FBN3: variants seen among roughly 807,000 people sequenced by gnomAD.
FBN3 encodes the protein fibrillin 3.
A neutral mutation model predicts 330.1 loss-of-function variants in FBN3; 234 were observed. The observed-to-expected ratio is 0.71, with a 90% CI of 0.64 to 0.79. The LOEUF (loss-of-function observed/expected upper bound fraction) is 0.79, where lower values mean the gene tolerates loss of function less well. FBN3 is among the 30% of genes least tolerant of loss of function. FBN3 has a pLI of 0.00. For synonymous variants in FBN3, 1,458 were observed against 1,517.3 expected (o/e 0.96, Z 0.91); for missense variants, 3,606 against 3,886.9 (o/e 0.93, Z 1.92).
At chr19:8,094,331 C>T in intron 47 of FBN3, 115 bp downstream of exon 47, 1 of 1,121,874 alleles carries the variant, frequency 8.9e-7, no homozygotes, top group Non-Finnish European at 1.2e-6. Context: ...GTGTTTGACG[C>T]TGCGTTAAGT....
chr19:8,116,044 T>C, intron 29 of FBN3, among the ~76,000 whole-genome samples: 1 of 152,130 alleles, frequency 6.6e-6, no homozygotes, highest in African/African-American at 2.4e-5. Flanking sequence ...AATGCATTTG[T>C]TCACAAGGCC....
intron 56 of FBN3, among the ~76,000 whole-genome samples, chr19:8,084,931 G>C (rs111796814): frequency 1.3e-3 from 205 of 152,074 alleles, no homozygotes; most frequent in African/African-American, 4.7e-3. Flanking sequence ...CTATCACCCA[G>C]GCTGGAGTGC....
intron 5 of FBN3, 79 bp downstream of exon 5, chr19:8,145,764 G>T: frequency 9.4e-7 from 1 of 1,067,354 alleles, no homozygotes; most frequent in South Asian, 1.4e-5. Context: ...CTGGGCAGTG[G>T]GCAGGTGGCA....
At position 8,081,145 on chromosome 19, in the gene FBN3, T is replaced by C. The variant is rs1302016256; in HGVS notation, c.7337-26A>G. On this transcript the variant is annotated intron_variant, in intron 58 of 63. Transcript: ENST00000600128. Reference sequence around the variant, plus strand: ...CTGCAGCACGGATGGTCCAGCAGGCTCAGGGCAGGGCCCAGTGGGGGATTA... The same window carrying C: ...CTGCAGCACGGATGGTCCAGCAGGCCCAGGGCAGGGCCCAGTGGGGGATTA... 4 of 1,596,610 alleles carry C rather than the reference T, an allele frequency of 2.5e-6. No individual in the cohort carries two copies. The Admixed American group carries it at 6.7e-5, about 27-fold the overall frequency.
In FBN3 at chr19:8,096,415, G is replaced by T; in HGVS notation, c.5539+29C>A. Reference sequence around the variant, plus strand: ...GTTTAGACCCCAGGCAGCCTGGCTTGAAAAGGAGGGGGAAGATAAGGGTCT... The same window carrying T: ...GTTTAGACCCCAGGCAGCCTGGCTTTAAAAGGAGGGGGAAGATAAGGGTCT... On this transcript the variant is annotated intron_variant, in intron 44 of 63. Transcript: ENST00000600128. This position sits in a 1 kb window ranked among gnomAD's most constrained non-coding sequence, Gnocchi z 4.6. 1.2e-6 allele frequency: 2 copies of T among 1,602,310 alleles called. No individual in the cohort carries two copies. The highest frequency in any genetic ancestry group is 2.7e-5 in the African/African-American group (2 of 74,810).
Position 8,131,896 on chromosome 19 carries a change from T to C in FBN3, c.1715-67A>G. ...TCCCTTCCTCTCTCCCCTCCCCATC[T>C]CCCAACATTTCCATCTTCCCAGCCA... On this transcript the variant is annotated intron_variant, in intron 14 of 63. Transcript: ENST00000600128. This position sits in a 1 kb window ranked among gnomAD's most constrained non-coding sequence, Gnocchi z 4.5. The C allele has an allele frequency of 7.1e-7, 1 of 1,417,448 alleles. No homozygotes were observed. The highest frequency in any genetic ancestry group is 1.5e-5 in the African/African-American group (1 of 68,912). 87.8% of individuals were successfully genotyped at this position (1,417,448 alleles called of 1,614,324 possible).
chr19:8,146,169 A>G lies in FBN3; in HGVS notation c.307T>C (p.Cys103Arg). The change falls in exon 4 of 64, where the codon TGT becomes CGT. Residue 103 changes from cysteine (C) to arginine (R), a missense_variant. By Grantham distance (180) the Cys-to-Arg change is radical. Transcript: ENST00000600128. ...CTGGGAGCCAGCGTCCCATCCGCAC[A>G]GGTGCACAGGTTGGGCTGGGAGCAG... ...GFCSQPNLCT[C>R]ADGTLAPSCG... 6.2e-7 allele frequency: 1 copy of G among 1,603,488 alleles called. No individual in the cohort carries two copies. The highest frequency in any genetic ancestry group is 8.5e-7 in the Non-Finnish European group (1 of 1,176,294).
In FBN3 at chr19:8,144,972, G is replaced by T. The variant is rs377044658; in HGVS notation, c.446C>A (p.Pro149His). ...KGYTGTVCGQ[P>H]ICDRGCHNGG... ...ATTGTGGCAGCCGCGGTCACAGATG[G>T]CTGTGGAGGAGAGAGGGTGATGGCT... The change falls in exon 6 of 64, where the codon CCC becomes CAC. Residue 149 changes from proline to histidine, a missense_variant and splice_region_variant. By Grantham distance (77) the Pro-to-His change is moderately conservative. Coordinates refer to ENST00000600128, the MANE Select transcript of FBN3 (RefSeq NM_032447.5). 11 of 1,607,996 alleles carry T rather than the reference G, an allele frequency of 6.8e-6. No individual in the cohort carries two copies. The highest frequency in any genetic ancestry group is 9.3e-6 in the Non-Finnish European group (11 of 1,178,292).
Position 8,125,971 on chromosome 19 carries a change from A to T in FBN3, c.2652T>A (p.Arg884=), listed in dbSNP as rs769087119. The T allele has an allele frequency of 3.1e-6, 5 of 1,613,898 alleles. No homozygotes were observed. The South Asian group carries it at 5.5e-5, about 18-fold the overall frequency. ...GGAAAGACCCAGCAGTGTTGACGCA[A>T]CGCCCGTTGGGACAGACTCCCGGGA... ...ESFPGVCPNG[R]CVNTAGSFRC... is the part of the protein sequence containing the mutation. Residue 884 remains arginine, a synonymous_variant, in exon 22 of 64, where the codon CGT becomes CGA. Coordinates refer to ENST00000600128, the MANE Select transcript of FBN3 (RefSeq NM_032447.5).
rs867900857 is a variant in FBN3 at position 8,111,330 on chromosome 19, T to C, written c.4085-147A>G. 2.8e-6 allele frequency: 3 copies of C among 1,064,412 alleles called. No homozygotes were observed. In the Middle Eastern group the frequency reaches 7.1e-4, roughly 252 times the overall value. The allele number at this position is 1,064,412 out of a possible 1,614,324, so 65.9% of individuals were successfully genotyped here. On this transcript the variant is annotated intron_variant, in intron 32 of 63. Coordinates refer to ENST00000600128, the MANE Select transcript of FBN3 (RefSeq NM_032447.5). ...GGGGACTCAGTCCCTGACTTGGGGGTGGGAGGCGAGTGACCGAGGCAGGGA... is the reference window on the plus strand; with the variant it reads ...GGGGACTCAGTCCCTGACTTGGGGGCGGGAGGCGAGTGACCGAGGCAGGGA...
In FBN3 at chr19:8,085,381, A is replaced by T; in HGVS notation, c.7069T>A (p.Tyr2357Asn). 6.3e-7 allele frequency: 1 copy of T among 1,580,000 alleles called. No homozygotes were observed. Among genetic ancestry groups the T allele is most frequent in the African/African-American group, 1.4e-5 (1 of 73,998 alleles). The change falls in exon 56 of 64, where the codon TAC becomes AAC. Residue 2357 changes from tyrosine (Y) to asparagine (N), a missense_variant. Transcript: ENST00000600128. ...YRKLCPHGSGYTAEGRDVDEC... is the reference protein window; with the variant it reads ...YRKLCPHGSGNTAEGRDVDEC... ...CACCCACCTCGGCCCTCAGCAGTGT[A>T]GCCTGAGCCATGGGGGCACAGCTTC...
At chr19:8,134,023 G>A (rs1291287126) in intron 13 of FBN3, among the ~76,000 whole-genome samples, 12 of 150,124 alleles carry the variant, frequency 8.0e-5, no homozygotes, top group Non-Finnish European at 1.8e-4. Context: ...TCAGGAGATC[G>A]AGACCATCCT....
At chr19:8,088,769 G>GA (rs2082024245) in intron 51 of FBN3, among the ~76,000 whole-genome samples, 1 of 152,206 alleles carries the variant, frequency 6.6e-6, no homozygotes, top group Non-Finnish European at 1.5e-5. Flanking sequence ...ATGAGTGATT[G>GA]AATGGGTGAA....
intron 16 of FBN3, among the ~76,000 whole-genome samples, chr19:8,130,605 A>AAGGAAGG (rs2083108054): frequency 4.2e-4 from 5 of 12,014 alleles, no homozygotes; most frequent in African/African-American, 7.2e-4. Flanking sequence ...AGAAAGAAAG[A>AAGGAAGG]AAGAAAGAAA....
At chr19:8,069,431 C>A (rs115084112) in intron 63 of FBN3, among the ~76,000 whole-genome samples, 1 of 152,084 alleles carries the variant, frequency 6.6e-6, no homozygotes, top group African/African-American at 2.4e-5. Context: ...ATTTACATGC[C>A]GACGGAGTGT....
Position 8,083,414 on chromosome 19 carries a change from C to T in FBN3, c.7088-42G>A, listed in dbSNP as rs780332065. The T allele has an allele frequency of 1.5e-5, 24 of 1,609,988 alleles. No individual in the cohort carries two copies. In the South Asian group the frequency reaches 1.5e-4, roughly 10 times the overall value. On this transcript the variant is annotated intron_variant, in intron 56 of 63. Transcript: ENST00000600128. Reference sequence around the variant, plus strand: ...TGCAAATGGGGCTGGCTGGCTGCTTCGCGCCTCCACCGAGGAATGTCTCCT... The same window carrying T: ...TGCAAATGGGGCTGGCTGGCTGCTTTGCGCCTCCACCGAGGAATGTCTCCT...
intron 59 of FBN3, among the ~76,000 whole-genome samples, chr19:8,075,728 G>A (rs897809995): frequency 5.3e-5 from 8 of 152,200 alleles, no homozygotes; most frequent in East Asian, 3.8e-4. Context: ...GCATTTTTGT[G>A]TGCATGCGAG....
In FBN3 at chr19:8,096,918, G is replaced by A; in HGVS notation, c.5376C>T (p.Thr1792=). 1 of 1,613,744 alleles carries A rather than the reference G, an allele frequency of 6.2e-7. No individual in the cohort carries two copies. Among genetic ancestry groups the A allele is most frequent in the Non-Finnish European group, 8.5e-7 (1 of 1,180,022 alleles). Residue 1792 remains threonine (T), a synonymous_variant, in exon 43 of 64, where the codon ACC becomes ACT. Transcript: ENST00000600128. The surrounding 1 kb of genome is among the most constrained non-coding windows in gnomAD (Gnocchi z 4.6). ...NIPGSYRCKC[T]RGYKLSPGGA... is the part of the protein sequence containing the mutation. Reference sequence around the variant, plus strand: ...CGCCTGGCGACAGTTTGTACCCTCGGGTGCACTTGCAGCGGTAGCTACCGG... The same window carrying A: ...CGCCTGGCGACAGTTTGTACCCTCGAGTGCACTTGCAGCGGTAGCTACCGG...
chr19:8,065,759 C>A lies in FBN3; in HGVS notation c.*160G>T, dbSNP rs2081375667. The A allele has an allele frequency of 3.2e-5, 21 of 659,544 alleles. No homozygotes were observed. In the South Asian group the frequency reaches 4.7e-4, roughly 15 times the overall value. The allele number at this position is 659,544 out of a possible 1,614,324, so 40.9% of individuals were successfully genotyped here. ...GGGCCCCCGGGGCTGGCACAGAGGC[C>A]CAGGCAGAGGCCGGGCTTGCCTGAG... On this transcript the variant is annotated 3_prime_UTR_variant, in exon 64 of 64. Transcript: ENST00000600128.
Sources: gnomAD v4.1 joint callset for allele counts (sites outside exome capture counted in the v4.1 genomes callset) on GRCh38, gnomAD v4.1.1 for gene constraint, Gnocchi (gnomAD v3.1) non-coding constraint, MANE v1.5 for transcripts, NCBI Gene and HGNC (gene_info 2026-07-23, HGNC 2026-07-21) for gene names.